SGIP1: variants seen among roughly 807,000 people sequenced by gnomAD.
SGIP1 encodes SH3-containing GRB2-like protein 3-interacting protein 1.
In SGIP1, 38 loss-of-function variants were observed where a neutral mutation model predicts 107.5. The ratio of observed to expected loss-of-function variants is 0.35; its 90% CI spans 0.27 to 0.46. The LOEUF (loss-of-function observed/expected upper bound fraction) is 0.46. Among genes scored for constraint, SGIP1 ranks in the 20% least tolerant of loss-of-function variants. SGIP1 has a pLI of 1.00. For missense variants in SGIP1, 929 were observed against 1,019.5 expected (o/e 0.91, Z 1.21); for synonymous variants, 365 against 366.1 (o/e 1.00, Z 0.03).
intron 7 of SGIP1, among the ~76,000 whole-genome samples, chr1:66,647,487 A>G (rs1047154145): frequency 7.2e-5 from 11 of 152,222 alleles, no homozygotes; most frequent in African/African-American, 2.7e-4. Context: ...AGACAAAAGA[A>G]CAAATGGCTA....
intron 7 of SGIP1, among the ~76,000 whole-genome samples, chr1:66,652,671 G>A (rs1160289199): frequency 6.6e-6 from 1 of 150,912 alleles, no homozygotes; most frequent in Non-Finnish European, 1.5e-5. Context: ...CAAAATTCAT[G>A]AATTTGCCGC....
intron 1 of SGIP1, among the ~76,000 whole-genome samples, chr1:66,562,942 A>G (rs2059158843): frequency 6.6e-6 from 1 of 152,020 alleles, no homozygotes; most frequent in African/African-American, 2.4e-5. Context: ...GCCTTGCTGT[A>G]ATGTAATCCT....
intron 1 of SGIP1, among the ~76,000 whole-genome samples, chr1:66,601,530 T>C (rs959360937): frequency 3.3e-5 from 5 of 152,026 alleles, no homozygotes; most frequent in African/African-American, 1.2e-4. Context: ...TGTGTGTGTG[T>C]GTGAGAGAGA....
intron 1 of SGIP1, among the ~76,000 whole-genome samples, chr1:66,583,024 TA>T (rs1553233626): frequency 6.6e-6 from 1 of 152,012 alleles, no homozygotes; most frequent in Non-Finnish European, 1.5e-5. Context: ...ATAACATTTT[TA>T]TATATATCAA....
At chr1:66,587,416 GT>G (rs1171623110) in intron 1 of SGIP1, among the ~76,000 whole-genome samples, 4 of 150,054 alleles carry the variant, frequency 2.7e-5, no homozygotes, top group African/African-American at 9.8e-5. Flanking sequence ...AATTTCTATT[GT>G]TTTATCTTCT....
chr1:66,557,351 C>T (rs2058333223), intron 1 of SGIP1, among the ~76,000 whole-genome samples: 1 of 152,084 alleles, frequency 6.6e-6, no homozygotes, highest in South Asian at 2.1e-4. Context: ...TCAAATGCAG[C>T]CTGAATCAGA....
intron 1 of SGIP1, among the ~76,000 whole-genome samples, chr1:66,582,842 T>C (rs1340412819): frequency 6.6e-6 from 1 of 151,826 alleles, no homozygotes; most frequent in Non-Finnish European, 1.5e-5. Flanking sequence ...TAGCCCCAGA[T>C]TCTCATTCTT....
intron 17 of SGIP1, among the ~76,000 whole-genome samples, chr1:66,692,204 G>A (rs2090017917): frequency 6.6e-6 from 1 of 150,800 alleles, no homozygotes. Context: ...CTTTGTGTAT[G>A]TTTGTACAAT....
At chr1:66,687,078 TTGG>T (rs2088523319) in intron 15 of SGIP1, among the ~76,000 whole-genome samples, 1 of 152,230 alleles carries the variant, frequency 6.6e-6, no homozygotes, top group African/African-American at 2.4e-5. Flanking sequence ...CCACACTGCC[TTGG>T]TGAAGTCTCC....
chr1:66,673,724 A>G (rs1042654715), intron 12 of SGIP1, among the ~76,000 whole-genome samples: 2 of 152,170 alleles, frequency 1.3e-5, no homozygotes, highest in African/African-American at 4.8e-5. Context: ...ACAGACCTTC[A>G]TACATCCGTC....
chr1:66,629,453 A>G (rs1182378075), intron 2 of SGIP1, among the ~76,000 whole-genome samples: 6 of 152,214 alleles, frequency 3.9e-5, no homozygotes, highest in Admixed American at 1.3e-4. Context: ...TAACTTTCTG[A>G]AGGCTACCCA....
Position 66,731,722 on chromosome 1 carries a change from A to C in SGIP1, c.1899-2026A>C, listed in dbSNP as rs768587575. On this transcript the variant is annotated intron_variant, in intron 20 of 24. Coordinates refer to ENST00000371037, the MANE Select transcript of SGIP1 (RefSeq NM_032291.4). ...TTTTTTAAAAAGGCATTGTTGACCA[A>C]GCATGATTCTAGATTGCAGTACCAG... Among the ~76,000 whole-genome samples the C allele has an allele frequency of 1.3e-4, 20 of 152,156 alleles. 1 individual carries two copies. Among genetic ancestry groups the C allele is most frequent in the Admixed American group, 1.3e-3 (20 of 15,282 alleles).
chr1:66,729,537 T>A, intron 20 of SGIP1, 118 bp downstream of exon 20: 1 of 1,299,668 alleles, frequency 7.7e-7, no homozygotes, highest in Non-Finnish European at 1.1e-6. Context: ...ACCACTCAGA[T>A]ATATTTGTAG....
intron 1 of SGIP1, among the ~76,000 whole-genome samples, chr1:66,559,848 A>G (rs969657026): frequency 1.3e-5 from 2 of 152,066 alleles, no homozygotes; most frequent in African/African-American, 4.8e-5. Flanking sequence ...AGCTTAATGA[A>G]GATAATCAGA....
chr1:66,660,193 AAGAAAGAAAGAAAGAAAGAAAG>A (rs2081116302), intron 7 of SGIP1: 3 of 212,658 alleles, frequency 1.4e-5, no homozygotes, highest in Non-Finnish European at 2.4e-5. Flanking sequence ...GAAAGAAAGA[AAGAAAGAAAGAAAGAAAGAAAG>A]AGAAAGAAAG....
chr1:66,692,821 A>C (rs2090152314), intron 17 of SGIP1, among the ~76,000 whole-genome samples: 1 of 152,208 alleles, frequency 6.6e-6, no homozygotes, highest in African/African-American at 2.4e-5. Flanking sequence ...TCATATAAGA[A>C]GATGCCCCTA....
At chr1:66,629,634 AG>A (rs1190885003) in intron 2 of SGIP1, among the ~76,000 whole-genome samples, 1 of 152,194 alleles carries the variant, frequency 6.6e-6, no homozygotes, top group African/African-American at 2.4e-5. Flanking sequence ...AGATGCCAAA[AG>A]TCCATGGTAG....
At chr1:66,694,175 T>C (rs1179151373) in intron 17 of SGIP1, among the ~76,000 whole-genome samples, 1 of 151,456 alleles carries the variant, frequency 6.6e-6, no homozygotes, top group East Asian at 1.9e-4. Flanking sequence ...ACTTCTTCCC[T>C]GGAGCTGACT....
intron 1 of SGIP1, among the ~76,000 whole-genome samples, chr1:66,569,909 G>A (rs1571486644): frequency 1.3e-5 from 2 of 151,706 alleles, no homozygotes; most frequent in Non-Finnish European, 1.5e-5. Context: ...AATAGATATA[G>A]ACTTATTCAA....
Sources: allele counts gnomAD v4.1 joint callset (sites outside exome capture counted in the v4.1 genomes callset), GRCh38; gene constraint gnomAD v4.1.1; transcripts MANE v1.5; gene names NCBI Gene and HGNC (gene_info 2026-07-23, HGNC 2026-07-21).